Variants in ZNF618 observed in about 807,000 individuals in gnomAD.
The protein encoded by ZNF618 is zinc finger protein 618.
In ZNF618, 34 loss-of-function variants were observed where a neutral mutation model predicts 103.0. That is an observed-to-expected ratio of 0.33 (90% CI 0.25 to 0.44). ZNF618 has a LOEUF of 0.44. Ranked by LOEUF, ZNF618 falls within the 20% of genes least tolerant of loss-of-function variation. ZNF618 has a pLI of 1.00. For missense variants in ZNF618, 1,059 were observed against 1,295.4 expected (o/e 0.82, Z 2.80); for synonymous variants, 551 against 542.2 (o/e 1.02, Z -0.23).
intron 1 of ZNF618, among the ~76,000 whole-genome samples, chr9:113,912,141 G>A (rs569410646): frequency 6.6e-6 from 1 of 152,290 alleles, no homozygotes; most frequent in South Asian, 2.1e-4. Flanking sequence ...CTGCTTCAAG[G>A]GAAGTTGAGG....
At chr9:113,975,672 A>G (rs1180039242) in intron 2 of ZNF618, among the ~76,000 whole-genome samples, 6 of 152,168 alleles carry the variant, frequency 3.9e-5, no homozygotes, top group Non-Finnish European at 7.3e-5. Flanking sequence ...AAATATTCCA[A>G]AAACTGAAAA....
At chr9:113,909,474 G>C (rs1831304162) in intron 1 of ZNF618, among the ~76,000 whole-genome samples, 2 of 152,188 alleles carry the variant, frequency 1.3e-5, no homozygotes, top group Admixed American at 1.3e-4. Context: ...GATTTGTTTA[G>C]GGAAACTTGG....
chr9:113,883,730 G>A (rs974223449), intron 1 of ZNF618, among the ~76,000 whole-genome samples: 1 of 152,068 alleles, frequency 6.6e-6, no homozygotes, highest in Admixed American at 6.5e-5. Context: ...CTAAGTTAAG[G>A]TAGACATCGA....
chr9:114,015,983 G>C, intron 9 of ZNF618: 1 of 769,604 alleles, frequency 1.3e-6, no homozygotes, highest in Admixed American at 2.4e-5. Flanking sequence ...AGAATGAAGA[G>C]TGGGGACCAG....
At chr9:114,042,269 G>A (rs1845263683) in intron 13 of ZNF618, among the ~76,000 whole-genome samples, 1 of 152,182 alleles carries the variant, frequency 6.6e-6, no homozygotes, top group Non-Finnish European at 1.5e-5. Context: ...TTTAAAATAT[G>A]ACTTACAGAG....
At chr9:114,044,329 T>A (rs144810672) in intron 13 of ZNF618, among the ~76,000 whole-genome samples, 1 of 152,164 alleles carries the variant, frequency 6.6e-6, no homozygotes, top group Admixed American at 6.5e-5. Context: ...TGTTTTTGTT[T>A]GCTTTGTTGA....
At chr9:113,981,673 G>A (rs1447292494) in intron 2 of ZNF618, among the ~76,000 whole-genome samples, 3 of 152,206 alleles carry the variant, frequency 2.0e-5, no homozygotes, top group African/African-American at 7.2e-5. Context: ...CATCTCTTTG[G>A]GCTTCAGATC....
intron 1 of ZNF618, among the ~76,000 whole-genome samples, chr9:113,951,565 G>GTACACATA (rs1564208186): frequency 5.4e-5 from 3 of 55,568 alleles, no homozygotes; most frequent in Non-Finnish European, 7.5e-5. Context: ...GTGTGTATAT[G>GTACACATA]TGTGTGTGTA....
chr9:114,027,121 T>C (rs924311623), intron 10 of ZNF618, among the ~76,000 whole-genome samples: 1 of 151,336 alleles, frequency 6.6e-6, no homozygotes, highest in African/African-American at 2.4e-5. Context: ...AAAAAAAAAT[T>C]GGAAATTATG....
intron 10 of ZNF618, among the ~76,000 whole-genome samples, chr9:114,024,527 C>T (rs1338434542): frequency 6.6e-6 from 1 of 152,198 alleles, no homozygotes; most frequent in Non-Finnish European, 1.5e-5. Context: ...ACTTCAAAAG[C>T]TGGTTTTTAA....
rs1339621777 is a variant in ZNF618, at chr9:114,016,319, C to A, written c.755-376C>A. The A allele has an allele frequency of 2.3e-5, 16 of 690,362 alleles. No individual in the cohort carries two copies. The South Asian group carries it at 2.8e-4, about 12-fold the overall frequency. 42.8% of individuals were successfully genotyped at this position (690,362 alleles called of 1,614,324 possible). ...AGGGCAGGGCTTGCAAAGGGGCTGA[C>A]GAAGAGGTTGGTGTTGGAGGTCAGC... On this transcript the variant is annotated intron_variant, in intron 9 of 14. Coordinates refer to ENST00000374126, the MANE Select transcript of ZNF618 (RefSeq NM_001318042.2).
At position 114,001,439 on chromosome 9, in the gene ZNF618, G is replaced by A. The variant is rs901944857; in HGVS notation, c.434-557G>A. Among the ~76,000 whole-genome samples the A allele has an allele frequency of 5.9e-5, 9 of 152,258 alleles. No individual in the cohort carries two copies. The East Asian group carries it at 1.2e-3, about 20-fold the overall frequency. ...ATATGGCCACCCCTACGAGGTAGGT[G>A]CATGTGGTCCCATTCTGCAGATCAG... On this transcript the variant is annotated intron_variant, in intron 4 of 14. Transcript: ENST00000374126.
At chr9:114,017,782 G>T (rs747083508) in intron 10 of ZNF618, among the ~76,000 whole-genome samples, 3 of 152,194 alleles carry the variant, frequency 2.0e-5, no homozygotes, top group Non-Finnish European at 4.4e-5. Flanking sequence ...AGTCTGGGAA[G>T]GCCCAGGTCC....
Position 114,050,398 on chromosome 9 carries a change from G to T in ZNF618, c.*231G>T. The T allele has an allele frequency of 8.3e-6, 4 of 479,674 alleles. No homozygotes were observed. The highest frequency in any genetic ancestry group is 3.1e-5 in the South Asian group (1 of 32,162). The allele number at this position is 479,674 out of a possible 1,614,324, so 29.7% of individuals were successfully genotyped here. Reference sequence around the variant, plus strand: ...TGCTGTGGTTGTGGGGGTGTGGGGGGGTCTCTGTGCTCATCTCCATGGCCA... The same window carrying T: ...TGCTGTGGTTGTGGGGGTGTGGGGGTGTCTCTGTGCTCATCTCCATGGCCA... On this transcript the variant is annotated 3_prime_UTR_variant, in exon 15 of 15. Coordinates refer to ENST00000374126, the MANE Select transcript of ZNF618 (RefSeq NM_001318042.2).
chr9:114,048,365 A>G lies in ZNF618; in HGVS notation c.1349-286A>G, dbSNP rs115102362. Among the ~76,000 whole-genome samples, 388 of 152,300 alleles carry G rather than the reference A, an allele frequency of 2.5e-3. 3 individuals carry two copies. The highest frequency in any genetic ancestry group is 8.9e-3 in the African/African-American group (372 of 41,570). On this transcript the variant is annotated intron_variant, in intron 14 of 14. Coordinates refer to ENST00000374126, the MANE Select transcript of ZNF618 (RefSeq NM_001318042.2). ...ATTCCTGTATTGAGGAAGAAATTAG[A>G]CTAGTTGGCTTCAAAGATCTAGGGG...
chr9:113,928,967 GGTAA>G (rs1288214577), intron 1 of ZNF618, among the ~76,000 whole-genome samples: 1 of 152,162 alleles, frequency 6.6e-6, no homozygotes, highest in Non-Finnish European at 1.5e-5. Flanking sequence ...ATAAGTCTGT[GGTAA>G]GGTAGATTCT....
chr9:113,976,824 A>G (rs1838512754), intron 2 of ZNF618, among the ~76,000 whole-genome samples: 1 of 152,206 alleles, frequency 6.6e-6, no homozygotes, highest in Non-Finnish European at 1.5e-5. Context: ...TAGTAGGGGT[A>G]GGAGAAAAGA....
chr9:113,956,342 C>T (rs542045058), intron 1 of ZNF618, among the ~76,000 whole-genome samples: 5 of 152,022 alleles, frequency 3.3e-5, no homozygotes, highest in Admixed American at 6.6e-5. Context: ...TCTTTCTAAC[C>T]GAGCTCTGCT....
intron 2 of ZNF618, among the ~76,000 whole-genome samples, chr9:113,977,037 C>A (rs922162867): frequency 6.6e-6 from 1 of 152,136 alleles, no homozygotes; most frequent in African/African-American, 2.4e-5. Flanking sequence ...GGGCAGCGTG[C>A]GTCCAGGCAG....
Sources: allele counts gnomAD v4.1 joint callset (sites outside exome capture counted in the v4.1 genomes callset), GRCh38; gene constraint gnomAD v4.1.1; transcripts MANE v1.5; gene names NCBI Gene and HGNC (gene_info 2026-07-23, HGNC 2026-07-21).